Variants in TEAD1 observed in about 807,000 individuals in gnomAD.
TEAD1 encodes TEA domain transcription factor 1, also known as transcriptional enhancer factor TEF-1.
A neutral mutation model predicts 54.9 loss-of-function variants in TEAD1; 9 were observed. The ratio of observed to expected loss-of-function variants is 0.16; its 90% CI spans 0.10 to 0.29. The LOEUF is 0.29. TEAD1 is among the 10% of genes least tolerant of loss of function. The pLI, the probability that TEAD1 is intolerant of heterozygous loss-of-function variation, is 1.00. For synonymous variants in TEAD1, 200 were observed against 187.8 expected, an observed-to-expected ratio of 1.07 and a Z score of -0.53; for missense variants, 387 against 535.9, an observed-to-expected ratio of 0.72 and a Z score of 2.74.
chr11:12,916,058 G>A (rs1040653385), intron 10 of TEAD1, among the ~76,000 whole-genome samples: 4 of 152,062 alleles, frequency 2.6e-5, no homozygotes, highest in Admixed American at 6.6e-5. Flanking sequence ...CATTGAAACC[G>A]GCTTCTGCTT....
intron 2 of TEAD1, among the ~76,000 whole-genome samples, chr11:12,741,232 C>A (rs1414349046): frequency 2.0e-5 from 3 of 151,936 alleles, no homozygotes; most frequent in African/African-American, 7.3e-5. Flanking sequence ...ATTTCCTTTG[C>A]ATTCATGTAC....
chr11:12,751,665 G>C (rs1049829357), intron 2 of TEAD1, among the ~76,000 whole-genome samples: 1 of 152,176 alleles, frequency 6.6e-6, no homozygotes, highest in African/African-American at 2.4e-5. Flanking sequence ...AATTGAAACA[G>C]ATAATTAGAA....
rs1949184357 is a variant in TEAD1 at position 12,943,970 on chromosome 11, AAAAG to A, written c.*6752_*6755del. 6.5e-6 allele frequency: 1 copy of A among 152,694 alleles called. No individual in the cohort carries two copies. The highest frequency in any genetic ancestry group is 6.5e-5 in the Admixed American group (1 of 15,288). The allele number at this position is 152,694 out of a possible 1,614,324, so 9.5% of individuals were successfully genotyped here. Reference sequence around the variant, plus strand: ...CAAAAAAAAAATTTGTAACATTTAAAAAAGAAACCTGAATAGCCTTTAATTCTTT... The same window carrying A: ...CAAAAAAAAAATTTGTAACATTTAAAAAACCTGAATAGCCTTTAATTCTTT... On this transcript the variant is annotated 3_prime_UTR_variant, in exon 13 of 13. Coordinates refer to ENST00000527636, the MANE Select transcript of TEAD1 (RefSeq NM_021961.6).
At chr11:12,803,555 A>G (rs1349647958) in intron 3 of TEAD1, among the ~76,000 whole-genome samples, 8 of 152,182 alleles carry the variant, frequency 5.3e-5, no homozygotes, top group African/African-American at 1.9e-4. Flanking sequence ...GTGGCCCTCC[A>G]TGCCAGCTGT....
intron 2 of TEAD1, among the ~76,000 whole-genome samples, chr11:12,754,536 T>C (rs1449995339): frequency 2.0e-5 from 3 of 152,198 alleles, no homozygotes; most frequent in Non-Finnish European, 2.9e-5. Context: ...AATGAAAATA[T>C]AAACAGTGGG....
At chr11:12,820,065 A>T (rs941804782) in intron 3 of TEAD1, among the ~76,000 whole-genome samples, 1 of 151,072 alleles carries the variant, frequency 6.6e-6, no homozygotes, top group African/African-American at 2.4e-5. Flanking sequence ...GGTGAAGGGG[A>T]GGTGGTGGCA....
At chr11:12,917,476 TTAATA>T (rs544876860) in intron 10 of TEAD1, among the ~76,000 whole-genome samples, 1 of 152,312 alleles carries the variant, frequency 6.6e-6, no homozygotes, top group African/African-American at 2.4e-5. Flanking sequence ...GCAGAGAAAA[TTAATA>T]TAACAGAAAA....
intron 3 of TEAD1, among the ~76,000 whole-genome samples, chr11:12,852,245 G>T (rs1469537838): frequency 3.8e-5 from 5 of 132,462 alleles, no homozygotes; most frequent in African/African-American, 1.3e-4. Context: ...ACCAGACTAA[G>T]GAGTTTGTGT....
At chr11:12,824,507 T>C (rs1180535524) in intron 3 of TEAD1, among the ~76,000 whole-genome samples, 1 of 152,216 alleles carries the variant, frequency 6.6e-6, no homozygotes, top group African/African-American at 2.4e-5. Context: ...GTGTGTTCTT[T>C]CAAACAATGT....
intron 9 of TEAD1, among the ~76,000 whole-genome samples, chr11:12,889,690 G>A (rs922973055): frequency 1.3e-5 from 2 of 152,168 alleles, no homozygotes; most frequent in African/African-American, 2.4e-5. Context: ...GAAGGCACAC[G>A]TTTGCTCAAC....
intron 3 of TEAD1, among the ~76,000 whole-genome samples, chr11:12,792,872 A>G (rs575585544): frequency 8.5e-5 from 13 of 152,302 alleles, no homozygotes; most frequent in African/African-American, 3.1e-4. Context: ...CCTGGGCAAC[A>G]TAGCAAGACC....
Position 12,900,146 on chromosome 11 carries a change from C to T in TEAD1, c.700-1794C>T, listed in dbSNP as rs557218802. 1.7e-3 allele frequency among the ~76,000 whole-genome samples: 263 copies of T among 152,236 alleles called. 1 individual carries two copies. Among genetic ancestry groups the T allele is most frequent in the African/African-American group, 6.2e-3 (258 of 41,540 alleles). ...CATGATCATAGCTCCATTACACCTTCGATCTTCCAGGCTCAAGTGATCCTC... is the reference window on the plus strand; with the variant it reads ...CATGATCATAGCTCCATTACACCTTTGATCTTCCAGGCTCAAGTGATCCTC... On this transcript the variant is annotated intron_variant, in intron 9 of 12. Transcript: ENST00000527636.
At chr11:12,833,750 G>A (rs1447116065) in intron 3 of TEAD1, among the ~76,000 whole-genome samples, 1 of 151,964 alleles carries the variant, frequency 6.6e-6, no homozygotes, top group Non-Finnish European at 1.5e-5. Flanking sequence ...ATATTTCCAA[G>A]TTATGGTACC....
At chr11:12,696,834 A>G (rs968510463) in intron 2 of TEAD1, among the ~76,000 whole-genome samples, 5 of 152,078 alleles carry the variant, frequency 3.3e-5, no homozygotes, top group Non-Finnish European at 7.4e-5. Flanking sequence ...CTCAGCAGAT[A>G]GAGCTGTCCT....
intron 5 of TEAD1, among the ~76,000 whole-genome samples, chr11:12,866,003 T>C (rs1947607453): frequency 6.6e-6 from 1 of 151,952 alleles, no homozygotes; most frequent in South Asian, 2.1e-4. Flanking sequence ...CTTTTTTTTA[T>C]GCAAACAAGG....
chr11:12,762,673 G>A (rs758901289), intron 2 of TEAD1, among the ~76,000 whole-genome samples: 5 of 152,110 alleles, frequency 3.3e-5, no homozygotes, highest in Non-Finnish European at 7.4e-5. Context: ...AGCTGGAAGG[G>A]AAGAAGCCAA....
intron 3 of TEAD1, among the ~76,000 whole-genome samples, chr11:12,767,822 G>A (rs1945235930): frequency 6.6e-6 from 1 of 152,098 alleles, no homozygotes; most frequent in Non-Finnish European, 1.5e-5. Context: ...AGTCCCTGGG[G>A]CTCTCTCTTT....
chr11:12,787,867 G>A (rs1268275838), intron 3 of TEAD1, among the ~76,000 whole-genome samples: 1 of 151,946 alleles, frequency 6.6e-6, no homozygotes, highest in Non-Finnish European at 1.5e-5. Flanking sequence ...AGCCAGTTTT[G>A]ATGATGAGAG....
rs191091352 is a variant in TEAD1 at position 12,940,932 on chromosome 11, C to G, written c.*3710C>G. 20 of 152,240 alleles carry G rather than the reference C, an allele frequency of 1.3e-4. No individual in the cohort carries two copies. Among genetic ancestry groups the G allele is most frequent in the Admixed American group, 5.2e-4 (8 of 15,282 alleles). 9.4% of individuals were successfully genotyped at this position (152,240 alleles called of 1,614,324 possible). A position where few individuals can be genotyped will look rare whatever the true frequency, so the allele number is the denominator to read the frequency against. On this transcript the variant is annotated 3_prime_UTR_variant, in exon 13 of 13. Coordinates refer to ENST00000527636, the MANE Select transcript of TEAD1 (RefSeq NM_021961.6). ...GCTAAGATACGTTTTCTGTCTTGAG[C>G]TGAAAGCACAGTCTACTCTCCTTCG...
Sources: gnomAD v4.1 joint callset for allele counts (sites outside exome capture counted in the v4.1 genomes callset) on GRCh38, gnomAD v4.1.1 for gene constraint, MANE v1.5 for transcripts, NCBI Gene and HGNC (gene_info 2026-07-23, HGNC 2026-07-21) for gene names.